Variants in NRG3 observed in about 807,000 individuals in gnomAD.
NRG3 encodes pro-neuregulin-3, membrane-bound isoform.
A neutral mutation model predicts 66.9 loss-of-function variants in NRG3; 31 were observed. That is an observed-to-expected ratio of 0.46 (90% CI 0.35 to 0.63). The LOEUF (loss-of-function observed/expected upper bound fraction) is 0.63. NRG3 is among the 20% of genes least tolerant of loss of function. The probability of loss-of-function intolerance (pLI) is 0.00; values close to 1 mark genes in which losing one functional copy is unlikely to be tolerated. For missense variants in NRG3, 910 were observed against 878.9 expected, an observed-to-expected ratio of 1.04 and a Z score of -0.45; for synonymous variants, 393 against 359.4, an observed-to-expected ratio of 1.09 and a Z score of -1.06.
At chr10:82,681,461 A>G (rs2054107500) in intron 2 of NRG3, among the ~76,000 whole-genome samples, 1 of 152,222 alleles carries the variant, frequency 6.6e-6, no homozygotes, top group Non-Finnish European at 1.5e-5. Flanking sequence ...TTTCAGAATA[A>G]CTCAGTCCAG....
Position 82,646,891 on chromosome 10 carries a change from G to A in NRG3, c.954-91686G>A, listed in dbSNP as rs535352623. Among the ~76,000 whole-genome samples, 11 of 151,316 alleles carry A rather than the reference G, an allele frequency of 7.3e-5. No individual in the cohort carries two copies. In the South Asian group the frequency reaches 2.1e-3, roughly 29 times the overall value. ...GGAACAAGGTGCCCACCAAATTTAG[G>A]CCTTTATCTTCCCACAGGGACTGAG... On this transcript the variant is annotated intron_variant, in intron 2 of 8. Transcript: ENST00000372141.
At chr10:82,495,003 C>T (rs1279359207) in intron 2 of NRG3, among the ~76,000 whole-genome samples, 2 of 151,454 alleles carry the variant, frequency 1.3e-5, no homozygotes, top group Admixed American at 6.6e-5. Flanking sequence ...TGCAGTGGCA[C>T]GATCTCCACT....
chr10:82,164,769 G>A (rs990167552), intron 1 of NRG3, among the ~76,000 whole-genome samples: 2 of 152,162 alleles, frequency 1.3e-5, no homozygotes, highest in Non-Finnish European at 2.9e-5. Flanking sequence ...TGGGGAGCTA[G>A]TTTGGGGAAG....
At chr10:82,191,339 G>T (rs1292686966) in intron 1 of NRG3, among the ~76,000 whole-genome samples, 1 of 152,096 alleles carries the variant, frequency 6.6e-6, no homozygotes, top group Admixed American at 6.6e-5. Context: ...GTTCAAGCAA[G>T]CCTATGACTC....
At chr10:82,967,277 CTATG>C (rs1436201983) in intron 6 of NRG3, among the ~76,000 whole-genome samples, 6 of 151,584 alleles carry the variant, frequency 4.0e-5, no homozygotes, top group African/African-American at 1.5e-4. Flanking sequence ...CTAAATTTTT[CTATG>C]TAAGCATCTG....
chr10:82,477,296 T>A (rs887108152), intron 2 of NRG3, among the ~76,000 whole-genome samples: 1 of 151,692 alleles, frequency 6.6e-6, no homozygotes, highest in African/African-American at 2.4e-5. Flanking sequence ...ACGAGCAGAG[T>A]TGGGTTCCAG....
At chr10:82,395,066 G>A (rs1268644999) in intron 2 of NRG3, among the ~76,000 whole-genome samples, 3 of 152,158 alleles carry the variant, frequency 2.0e-5, no homozygotes, top group Non-Finnish European at 4.4e-5. Flanking sequence ...CCTGAAATGG[G>A]CTCATGAATT....
chr10:82,963,571 T>C (rs551677264), intron 6 of NRG3, among the ~76,000 whole-genome samples: 14 of 152,244 alleles, frequency 9.2e-5, no homozygotes, highest in African/African-American at 1.9e-4. Context: ...TCCCAGCTAC[T>C]TGGGAGGCTG....
chr10:82,699,778 AATT>A (rs1274989693), intron 2 of NRG3, among the ~76,000 whole-genome samples: 1 of 151,952 alleles, frequency 6.6e-6, no homozygotes, highest in Non-Finnish European at 1.5e-5. Flanking sequence ...AATATCCATG[AATT>A]ATTCTTCTCC....
chr10:82,952,816 T>G (rs186871782), intron 5 of NRG3, among the ~76,000 whole-genome samples: 6 of 152,072 alleles, frequency 3.9e-5, no homozygotes, highest in Admixed American at 2.0e-4. Context: ...GATTATGATT[T>G]TTTAAAATAA....
intron 2 of NRG3, among the ~76,000 whole-genome samples, chr10:82,564,383 A>G (rs1473395780): frequency 6.6e-6 from 1 of 152,174 alleles, no homozygotes. Flanking sequence ...ATTTTTGCTC[A>G]GGAAATTCTG....
intron 3 of NRG3, among the ~76,000 whole-genome samples, chr10:82,749,878 C>T (rs2058794454): frequency 6.6e-6 from 1 of 152,008 alleles, no homozygotes; most frequent in South Asian, 2.1e-4. Context: ...AATTAGCCCT[C>T]AATCAAAAGG....
intron 1 of NRG3, among the ~76,000 whole-genome samples, chr10:82,137,278 ACT>A: frequency 6.6e-6 from 1 of 152,180 alleles, no homozygotes; most frequent in South Asian, 2.1e-4. Context: ...TTTAGAACCA[ACT>A]CTCTGCTCTG....
chr10:82,828,860 G>C (rs1489494421), intron 3 of NRG3, among the ~76,000 whole-genome samples: 1 of 152,156 alleles, frequency 6.6e-6, no homozygotes, highest in African/African-American at 2.4e-5. Context: ...TGATAGTCCT[G>C]AAGCTGCTAT....
At chr10:82,084,617 G>A (rs765899051) in intron 1 of NRG3, among the ~76,000 whole-genome samples, 1 of 151,864 alleles carries the variant, frequency 6.6e-6, no homozygotes, top group South Asian at 2.1e-4. Flanking sequence ...TCAAGAAGTA[G>A]AAGCATGTAT....
chr10:82,202,815 G>A (rs2074915066), intron 1 of NRG3, among the ~76,000 whole-genome samples: 1 of 152,140 alleles, frequency 6.6e-6, no homozygotes, highest in African/African-American at 2.4e-5. Flanking sequence ...TCTTGTAAAA[G>A]GAGGGACGTG....
chr10:82,363,971 G>A (rs1197329962), intron 2 of NRG3, among the ~76,000 whole-genome samples: 5 of 151,834 alleles, frequency 3.3e-5, no homozygotes, highest in African/African-American at 1.2e-4. Context: ...TTGCAAACTT[G>A]AACATATAGT....
intron 1 of NRG3, among the ~76,000 whole-genome samples, chr10:82,076,812 C>T (rs561954893): frequency 7.9e-5 from 12 of 152,290 alleles, no homozygotes; most frequent in Admixed American, 5.9e-4. Flanking sequence ...CCTGCAGAAC[C>T]GTCAGTCAAG....
intron 6 of NRG3, among the ~76,000 whole-genome samples, chr10:82,968,057 C>T (rs1851371427): frequency 1.3e-5 from 2 of 152,196 alleles, no homozygotes; most frequent in South Asian, 4.1e-4. Flanking sequence ...GGCAGTGTGC[C>T]CTTCAACCTC....
Sources: allele counts gnomAD v4.1 joint callset (sites outside exome capture counted in the v4.1 genomes callset), GRCh38; gene constraint gnomAD v4.1.1; transcripts MANE v1.5; gene names NCBI Gene and HGNC (gene_info 2026-07-23, HGNC 2026-07-21).